OPCML: variants seen among roughly 807,000 people sequenced by gnomAD.
OPCML encodes the protein opioid-binding protein/cell adhesion molecule.
A neutral mutation model predicts 37.8 loss-of-function variants in OPCML; 13 were observed. That is an observed-to-expected ratio of 0.34 (90% CI 0.22 to 0.55). The LOEUF is 0.55. Ranked by LOEUF, OPCML falls within the 20% of genes least tolerant of loss-of-function variation. The pLI is 0.91. For missense variants in OPCML, 341 were observed against 435.6 expected (o/e 0.78, Z 1.93); for synonymous variants, 176 against 168.8 (o/e 1.04, Z -0.33).
rs1446002264 is a variant in OPCML, at chr11:133,177,589, A to C, written c.62-234579T>G. 1.3e-5 allele frequency among the ~76,000 whole-genome samples: 2 copies of C among 152,170 alleles called. No individual in the cohort carries two copies. The highest frequency in any genetic ancestry group is 4.8e-5 in the African/African-American group (2 of 41,430). On this transcript the variant is annotated intron_variant, in intron 1 of 7. Transcript: ENST00000524381. The surrounding 1 kb of genome is among the most constrained non-coding windows in gnomAD (Gnocchi z 5.0). ...CTAATAGTTGGAGTGGCAATAAAAA[A>C]TGTGAATACAACTCCAGTTCTGTAC...
intron 4 of OPCML, 55 bp downstream of exon 4, chr11:132,529,006 G>A: frequency 1.8e-6 from 2 of 1,096,826 alleles, no homozygotes; most frequent in South Asian, 2.9e-5. Context: ...TTGTGCATAA[G>A]AGCCAAGACT....
chr11:133,413,334 AG>A (rs1327242181), intron 1 of OPCML, among the ~76,000 whole-genome samples: 1 of 88,152 alleles, frequency 1.1e-5, no homozygotes, highest in African/African-American at 4.2e-5. Context: ...GTTGTGGGGT[AG>A]GGGGGAGGGG....
chr11:133,094,417 C>T (rs1440930500), intron 1 of OPCML, among the ~76,000 whole-genome samples: 1 of 152,114 alleles, frequency 6.6e-6, no homozygotes, highest in African/African-American at 2.4e-5. Flanking sequence ...CCATGATGAT[C>T]CCTTAAAGAG....
At chr11:132,594,978 T>C (rs2096490232) in intron 3 of OPCML, among the ~76,000 whole-genome samples, 1 of 152,232 alleles carries the variant, frequency 6.6e-6, no homozygotes, top group Admixed American at 6.5e-5. Context: ...AATACAAAAT[T>C]AAATCAAAAT....
chr11:132,502,429 CTG>C (rs1385277913), intron 4 of OPCML, among the ~76,000 whole-genome samples: 2 of 152,212 alleles, frequency 1.3e-5, no homozygotes, highest in Non-Finnish European at 2.9e-5. Context: ...ACAGTTCCTT[CTG>C]TGTTTGCCTT....
At chr11:133,228,747 C>T (rs1351879763) in intron 1 of OPCML, among the ~76,000 whole-genome samples, 1 of 152,248 alleles carries the variant, frequency 6.6e-6, no homozygotes, top group East Asian at 1.9e-4. Flanking sequence ...GCCCAGGAGG[C>T]TTCGCATGAA....
chr11:132,841,754 G>A lies in OPCML; in HGVS notation c.146+101172C>T, dbSNP rs555615018. On this transcript the variant is annotated intron_variant, in intron 2 of 7. Transcript: ENST00000524381. Reference sequence around the variant, plus strand: ...TGAGAGCCTGTAATGCCAGCTATTCGGGAAGCTGAGGTAGGAGAATCCCTT... The same window carrying A: ...TGAGAGCCTGTAATGCCAGCTATTCAGGAAGCTGAGGTAGGAGAATCCCTT... Among the ~76,000 whole-genome samples, 7 of 150,002 alleles carry A rather than the reference G, an allele frequency of 4.7e-5. No individual in the cohort carries two copies. In the South Asian group the frequency reaches 6.3e-4, roughly 14 times the overall value.
At chr11:133,076,066 C>T (rs1487808774) in intron 1 of OPCML, among the ~76,000 whole-genome samples, 3 of 152,010 alleles carry the variant, frequency 2.0e-5, no homozygotes, top group South Asian at 2.1e-4. Flanking sequence ...TATGTTCTTC[C>T]ATAATTTACT....
Position 132,943,146 on chromosome 11 carries a change from C to G in OPCML, c.62-136G>C. ...CGGCAGCCGCACAGTCCTGGTCCCC[C>G]GCCCCGCGCACCAGCGGGCTCGGGA... On this transcript the variant is annotated intron_variant, in intron 1 of 7. Transcript: ENST00000524381. This position sits in a 1 kb window ranked among gnomAD's most constrained non-coding sequence, Gnocchi z 4.3. 1.2e-6 allele frequency: 2 copies of G among 1,603,822 alleles called. No individual in the cohort carries two copies. Among genetic ancestry groups the G allele is most frequent in the Non-Finnish European group, 1.7e-6 (2 of 1,172,008 alleles).
In OPCML at chr11:132,699,084, T is replaced by C. The variant is rs549624041; in HGVS notation, c.147-41765A>G. 1.4e-4 allele frequency among the ~76,000 whole-genome samples: 21 copies of C among 152,190 alleles called. No homozygotes were observed. In the South Asian group the frequency reaches 4.4e-3, roughly 32 times the overall value. ...TTCAGTGTACAAGTCTTTTACCTCC[T>C]GGTTAAATTTATTCCTAAGGTTTTT... On this transcript the variant is annotated intron_variant, in intron 2 of 7. Coordinates refer to ENST00000524381, the MANE Select transcript of OPCML (RefSeq NM_001012393.5).
At chr11:132,668,187 C>T (rs1942305002) in intron 2 of OPCML, among the ~76,000 whole-genome samples, 1 of 152,130 alleles carries the variant, frequency 6.6e-6, no homozygotes, top group South Asian at 2.1e-4. Flanking sequence ...TCACCCTTGT[C>T]AATGATGGGG....
rs925510444 is a variant in OPCML at position 132,884,534 on chromosome 11, A to C, written c.146+58392T>G. ...AAAATAAAACAGGACTCATGAGGAG[A>C]CATATAAAGTGGGAATTCTGTGAAT... On this transcript the variant is annotated intron_variant, in intron 2 of 7. Transcript: ENST00000524381. Among the ~76,000 whole-genome samples, 7 of 152,220 alleles carry C rather than the reference A, an allele frequency of 4.6e-5. No homozygotes were observed. The South Asian group carries it at 6.2e-4, about 13-fold the overall frequency.
At chr11:132,711,334 G>T (rs994948146) in intron 2 of OPCML, among the ~76,000 whole-genome samples, 1 of 152,186 alleles carries the variant, frequency 6.6e-6, no homozygotes, top group African/African-American at 2.4e-5. Context: ...CCAAAAGAAT[G>T]ACATTCAATA....
At chr11:133,242,435 C>T (rs1427625197) in intron 1 of OPCML, among the ~76,000 whole-genome samples, 1 of 152,186 alleles carries the variant, frequency 6.6e-6, no homozygotes, top group Admixed American at 6.5e-5. Flanking sequence ...TATTTTCTCA[C>T]ACTTCCAGAG....
intron 1 of OPCML, among the ~76,000 whole-genome samples, chr11:133,042,079 C>T (rs939119417): frequency 3.9e-5 from 6 of 152,146 alleles, no homozygotes; most frequent in Non-Finnish European, 7.3e-5. Context: ...TCTCTGGACA[C>T]TGACTAATCA....
At chr11:132,779,564 G>T (rs1270329209) in intron 2 of OPCML, among the ~76,000 whole-genome samples, 2 of 149,542 alleles carry the variant, frequency 1.3e-5, no homozygotes, top group African/African-American at 5.0e-5. Context: ...GAAGGGGGGC[G>T]TGGGGAGAGA....
intron 1 of OPCML, among the ~76,000 whole-genome samples, chr11:132,997,808 A>G (rs1028048831): frequency 3.9e-5 from 6 of 152,164 alleles, no homozygotes; most frequent in African/African-American, 7.2e-5. Context: ...TCACTCTTGG[A>G]ATCTTGACTA....
At chr11:133,237,050 G>A (rs1249943177) in intron 1 of OPCML, among the ~76,000 whole-genome samples, 3 of 152,172 alleles carry the variant, frequency 2.0e-5, no homozygotes, top group African/African-American at 7.2e-5. Context: ...CAGCACCGAG[G>A]AACAAACATT....
At chr11:132,800,390 G>C (rs908374732) in intron 2 of OPCML, among the ~76,000 whole-genome samples, 4 of 151,982 alleles carry the variant, frequency 2.6e-5, no homozygotes, top group Admixed American at 2.6e-4. Context: ...TTTTAAATTT[G>C]TTTATGTTTG....
Sources: allele counts gnomAD v4.1 joint callset (sites outside exome capture counted in the v4.1 genomes callset), GRCh38; gene constraint gnomAD v4.1.1; non-coding constraint Gnocchi (gnomAD v3.1); transcripts MANE v1.5; gene names NCBI Gene and HGNC (gene_info 2026-07-23, HGNC 2026-07-21).